RASSF2: variants seen among roughly 807,000 people sequenced by gnomAD.
RASSF2 encodes the protein ras association domain-containing protein 2.
In RASSF2, 34 loss-of-function variants were observed where a neutral mutation model predicts 46.3. That is an observed-to-expected ratio of 0.73 (90% CI 0.56 to 0.98). RASSF2 has a LOEUF of 0.98. Among genes scored for constraint, RASSF2 ranks in the 50% least tolerant of loss-of-function variants. The pLI, the probability that RASSF2 is intolerant of heterozygous loss-of-function variation, is 0.00. For missense variants in RASSF2, 364 were observed against 431.2 expected (o/e 0.84, Z 1.38); for synonymous variants, 158 against 162.5 (o/e 0.97, Z 0.21).
rs771423650 is a variant in RASSF2 at position 4,790,564 on chromosome 20, G to A, written c.424C>T (p.Arg142Cys). 2.0e-6 allele frequency: 3 copies of A among 1,536,854 alleles called. No homozygotes were observed. The highest frequency in any genetic ancestry group is 2.6e-6 in the Non-Finnish European group (3 of 1,150,260). ...CGCACCCCAACATCACTGCGTGTGC[G>A]CATCAGCTGTGGGGTGTCCTCCTGC... ...PLQEDTPQLM[R>C]TRSDVGVRRR... The change falls in exon 7 of 12, where the codon CGC becomes TGC. Residue 142 changes from arginine (R) to cysteine (C), a missense_variant. Physicochemically the swap from Arg to Cys is radical, Grantham distance 180 (BLOSUM62 -3). Transcript: ENST00000379400. The surrounding 1 kb of genome is among the most constrained non-coding windows in gnomAD (Gnocchi z 4.3).
At chr20:4,797,972 G>T (rs1926491588) in intron 4 of RASSF2, 38 bp downstream of exon 4, 1 of 1,611,874 alleles carries the variant, frequency 6.2e-7, no homozygotes. Flanking sequence ...GACAAGCCCT[G>T]GACTAGCCAA....
Position 4,795,759 on chromosome 20 carries a change from C to T in RASSF2, c.287+56G>A. 4 of 1,554,144 alleles carry T rather than the reference C, an allele frequency of 2.6e-6. No individual in the cohort carries two copies. The highest frequency in any genetic ancestry group is 3.5e-6 in the Non-Finnish European group (4 of 1,145,740). On this transcript the variant is annotated intron_variant, in intron 5 of 11. Transcript: ENST00000379400. The surrounding 1 kb of genome is among the most constrained non-coding windows in gnomAD (Gnocchi z 4.0). Reference sequence around the variant, plus strand: ...AAGGCAGCATTTATCTGCTTGAGAACACATAGAACACCCAAGCATCCCAGT... The same window carrying T: ...AAGGCAGCATTTATCTGCTTGAGAATACATAGAACACCCAAGCATCCCAGT...
rs369464342 is a variant in RASSF2 at position 4,792,648 on chromosome 20, G to C, written c.288-21C>G. The C allele has an allele frequency of 5.6e-6, 9 of 1,612,528 alleles. 1 individual carries two copies. In the African/African-American group the frequency reaches 8.0e-5, roughly 14 times the overall value. ...TGGTTCTGGGAGTGGAGAAGACAAA[G>C]GGGAGGGGGGAGACTAGTTTAAGCC... On this transcript the variant is annotated intron_variant, in intron 5 of 11. Transcript: ENST00000379400.
intron 10 of RASSF2, 72 bp downstream of exon 10, chr20:4,787,561 C>A (rs1182273974): frequency 3.5e-5 from 56 of 1,595,112 alleles, no homozygotes; most frequent in Non-Finnish European, 4.6e-5. Context: ...TCATTCTATA[C>A]CCCAGTTACA....
Position 4,790,651 on chromosome 20 carries a change from C to G in RASSF2, c.377-40G>C. The stretch of plus-strand genomic sequence containing the variant: ...GGAAATGAACTCTGTCTGTCTGGAC[C>G]TGGGACATGGCACATGGTCCCCAAT... On this transcript the variant is annotated intron_variant, in intron 6 of 11. Transcript: ENST00000379400. The surrounding 1 kb of genome is among the most constrained non-coding windows in gnomAD (Gnocchi z 4.3). 1 of 1,492,470 alleles carries G rather than the reference C, an allele frequency of 6.7e-7. No individual in the cohort carries two copies. The highest frequency in any genetic ancestry group is 1.5e-5 in the African/African-American group (1 of 67,758). 92.5% of individuals were successfully genotyped at this position (1,492,470 alleles called of 1,614,324 possible). A position where few individuals can be genotyped will look rare whatever the true frequency, so the allele number is the denominator to read the frequency against.
chr20:4,784,875 TG>T lies in RASSF2; in HGVS notation c.912-534del, dbSNP rs1450243609. Among the ~76,000 whole-genome samples the T allele has an allele frequency of 2.6e-5, 4 of 152,110 alleles. No homozygotes were observed. In the East Asian group the frequency reaches 5.8e-4, roughly 22 times the overall value. ...CTACTAGGCGTGGAGGTCCGTGGCTTGGGGGGAGTTCTGTTTTCCCACGACT... is the reference window on the plus strand; with the variant it reads ...CTACTAGGCGTGGAGGTCCGTGGCTTGGGGGAGTTCTGTTTTCCCACGACT... On this transcript the variant is annotated intron_variant, in intron 11 of 11. Transcript: ENST00000379400.
chr20:4,804,392 C>T (rs12626074), intron 2 of RASSF2, among the ~76,000 whole-genome samples: 1,496 of 123,940 alleles, frequency 0.012, 74 homozygotes, highest in East Asian at 0.11. Context: ...GGCTGGAATG[C>T]AGTGGTGCGA....
chr20:4,810,202 C>T (rs1352199542), intron 2 of RASSF2, among the ~76,000 whole-genome samples: 1 of 152,212 alleles, frequency 6.6e-6, no homozygotes, highest in Non-Finnish European at 1.5e-5. Context: ...CACCCAAGCT[C>T]TGGACCAGCT....
intron 2 of RASSF2, among the ~76,000 whole-genome samples, chr20:4,817,993 G>T (rs909465838): frequency 6.6e-6 from 1 of 152,140 alleles, no homozygotes; most frequent in Non-Finnish European, 1.5e-5. Context: ...TTAGCCAGAC[G>T]CAGTGGCTCA....
chr20:4,806,973 C>T (rs1370356347), intron 2 of RASSF2, among the ~76,000 whole-genome samples: 1 of 152,088 alleles, frequency 6.6e-6, no homozygotes, highest in Non-Finnish European at 1.5e-5. Context: ...CTTTTTAATA[C>T]CATGTCTTCT....
chr20:4,818,676 C>T (rs2423045), intron 2 of RASSF2, among the ~76,000 whole-genome samples: 29,069 of 152,210 alleles, frequency 0.19, 2,936 homozygotes, highest in South Asian at 0.28. Context: ...TTCACCAGCA[C>T]GTCGCTGGTC....
chr20:4,788,251 C>G lies in RASSF2; in HGVS notation c.657G>C (p.Glu219Asp). The G allele has an allele frequency of 6.2e-7, 1 of 1,609,082 alleles. No homozygotes were observed. Among genetic ancestry groups the G allele is most frequent in the South Asian group, 1.1e-5 (1 of 90,958 alleles). ...LNKFKIENSA[E>D]EFALYVVHTS... Reference sequence around the variant, plus strand: ...TATGGACCACGTACAAGGCAAACTCCTCTGCTGAATTCTCAATCTGAAGCA... The same window carrying G: ...TATGGACCACGTACAAGGCAAACTCGTCTGCTGAATTCTCAATCTGAAGCA... Residue 219 changes from glutamate to aspartate, a missense_variant, in exon 9 of 12, where the codon GAG (glutamate) becomes GAC (aspartate). By Grantham distance (45) the Glu-to-Asp change is conservative. Coordinates refer to ENST00000379400, the MANE Select transcript of RASSF2 (RefSeq NM_014737.3).
chr20:4,792,001 A>C (rs1417382186), intron 6 of RASSF2, among the ~76,000 whole-genome samples: 1 of 152,112 alleles, frequency 6.6e-6, no homozygotes, highest in African/African-American at 2.4e-5. Flanking sequence ...CTATAATCCC[A>C]GCATTTTGGG....
At chr20:4,816,771 T>C (rs1928345025) in intron 2 of RASSF2, among the ~76,000 whole-genome samples, 1 of 152,192 alleles carries the variant, frequency 6.6e-6, no homozygotes, top group African/African-American at 2.4e-5. Flanking sequence ...AGATGGGTGA[T>C]ACAGTTTGTA....
intron 2 of RASSF2, among the ~76,000 whole-genome samples, chr20:4,814,530 C>G (rs372854152): frequency 6.6e-6 from 1 of 152,130 alleles, no homozygotes; most frequent in South Asian, 2.1e-4. Context: ...GGACTGAAAA[C>G]CCAAAAGCTA....
intron 2 of RASSF2, among the ~76,000 whole-genome samples, chr20:4,806,317 G>A (rs1927338530): frequency 6.6e-6 from 1 of 152,264 alleles, no homozygotes. Context: ...GCGCAGCCTG[G>A]TTGGAGTGGA....
Position 4,795,585 on chromosome 20 carries a change from C to T in RASSF2, c.287+230G>A, listed in dbSNP as rs1926268707. 3 of 437,024 alleles carry T rather than the reference C, an allele frequency of 6.9e-6. No individual in the cohort carries two copies. The highest frequency in any genetic ancestry group is 4.2e-5 in the Admixed American group (1 of 23,812). The allele number at this position is 437,024 out of a possible 1,614,324, so 27.1% of individuals were successfully genotyped here. A position where few individuals can be genotyped will look rare whatever the true frequency, so the allele number is the denominator to read the frequency against. ...CAGCTCCCCTCGTATGACTCAGCAGCTCCCCTCCTGTGACCTCATCAGTGA... is the reference window on the plus strand; with the variant it reads ...CAGCTCCCCTCGTATGACTCAGCAGTTCCCCTCCTGTGACCTCATCAGTGA... On this transcript the variant is annotated intron_variant, in intron 5 of 11. Coordinates refer to ENST00000379400, the MANE Select transcript of RASSF2 (RefSeq NM_014737.3). This position sits in a 1 kb window ranked among gnomAD's most constrained non-coding sequence, Gnocchi z 4.0.
In RASSF2 at chr20:4,783,788, C is replaced by A. The variant is rs959752871; in HGVS notation, c.*485G>T. 6.4e-6 allele frequency: 1 copy of A among 155,242 alleles called. No individual in the cohort carries two copies. The allele number at this position is 155,242 out of a possible 1,614,324, so 9.6% of individuals were successfully genotyped here. On this transcript the variant is annotated 3_prime_UTR_variant, in exon 12 of 12. Coordinates refer to ENST00000379400, the MANE Select transcript of RASSF2 (RefSeq NM_014737.3). ...AACCCAAATGGTGAACCTGGAGAACCCTCTTCCCTCTCTAAACACAGACAG... is the reference window on the plus strand; with the variant it reads ...AACCCAAATGGTGAACCTGGAGAACACTCTTCCCTCTCTAAACACAGACAG...
Position 4,795,627 on chromosome 20 carries a change from G to T in RASSF2, c.287+188C>A. 1.7e-6 allele frequency: 1 copy of T among 590,676 alleles called. No homozygotes were observed. Among genetic ancestry groups the T allele is most frequent in the Non-Finnish European group, 2.8e-6 (1 of 356,798 alleles). 36.6% of individuals were successfully genotyped at this position (590,676 alleles called of 1,614,324 possible). A position where few individuals can be genotyped will look rare whatever the true frequency, so the allele number is the denominator to read the frequency against. ...CATCAGTGATTGCAGTGACAGGAAG[G>T]GGGCTCAATCACAACCACATCTGCT... On this transcript the variant is annotated intron_variant, in intron 5 of 11. Coordinates refer to ENST00000379400, the MANE Select transcript of RASSF2 (RefSeq NM_014737.3). This position sits in a 1 kb window ranked among gnomAD's most constrained non-coding sequence, Gnocchi z 4.0.
Sources: allele counts gnomAD v4.1 joint callset (sites outside exome capture counted in the v4.1 genomes callset), GRCh38; gene constraint gnomAD v4.1.1; non-coding constraint Gnocchi (gnomAD v3.1); transcripts MANE v1.5; gene names NCBI Gene and HGNC (gene_info 2026-07-23, HGNC 2026-07-21).